The following RAP1GAP variants were observed in gnomAD, a reference collection of about 807,000 sequenced individuals.
RAP1GAP encodes rap1 GTPase-activating protein 1.
A neutral mutation model predicts 87.2 loss-of-function variants in RAP1GAP; 35 were observed. The observed-to-expected ratio is 0.40, with a 90% CI of 0.31 to 0.53. RAP1GAP has a LOEUF of 0.53. Ranked by LOEUF, RAP1GAP falls within the 20% of genes least tolerant of loss-of-function variation. The pLI is 0.48. For missense variants in RAP1GAP, 734 were observed against 898.9 expected (o/e 0.82, Z 2.35); for synonymous variants, 375 against 363.9 (o/e 1.03, Z -0.35).
At chr1:21,646,196 C>G (rs1018845215) in intron 2 of RAP1GAP, among the ~76,000 whole-genome samples, 1 of 152,228 alleles carries the variant, frequency 6.6e-6, no homozygotes, top group African/African-American at 2.4e-5. Context: ...ATGGGAGAGA[C>G]TGGTACCAAT....
chr1:21,602,978 C>T, intron 18 of RAP1GAP, 65 bp from the exon 19 acceptor site: 1 of 1,226,704 alleles, frequency 8.2e-7, no homozygotes. Context: ...CCCCACATCC[C>T]CTCTGGGGAT....
At chr1:21,626,261 AG>A (rs2091991555) in intron 3 of RAP1GAP, 42 bp downstream of exon 3, 3 of 1,488,768 alleles carry the variant, frequency 2.0e-6, no homozygotes, top group Non-Finnish European at 2.8e-6. Flanking sequence ...TGTCGGAGGT[AG>A]GGGGCAGACC....
chr1:21,617,340 GT>G lies in RAP1GAP; in HGVS notation c.256del (p.Thr86GlnfsTer160). ...TTKVKLECNP[T>X]ARIYRKHFLG... ...AAAGTGCTTCCGGTAGATGCGGGCT[GT>G]GGGGTTGCACTCGAGCTTCACCTTG... On this transcript the variant is annotated frameshift_variant, in exon 7 of 25. Coordinates refer to ENST00000374765, the MANE Select transcript of RAP1GAP (RefSeq NM_002885.4). LOFTEE classifies it high-confidence loss of function. 6.3e-7 allele frequency: 1 copy of G among 1,593,958 alleles called. No homozygotes were observed. Among genetic ancestry groups the G allele is most frequent in the Non-Finnish European group, 8.5e-7 (1 of 1,170,062 alleles).
intron 5 of RAP1GAP, 24 bp from the exon 6 acceptor site, chr1:21,617,996 G>T (rs2083433328): frequency 1.9e-6 from 3 of 1,613,876 alleles, no homozygotes; most frequent in South Asian, 2.2e-5. Flanking sequence ...ACAGGGCAAG[G>T]GTCTCTCCAT....
rs1479218853 is a variant in RAP1GAP at position 21,612,120 on chromosome 1, G to A, written c.529-11C>T. 1.9e-6 allele frequency: 3 copies of A among 1,542,710 alleles called. No individual in the cohort carries two copies. The highest frequency in any genetic ancestry group is 2.6e-6 in the Non-Finnish European group (3 of 1,138,776). On this transcript the variant is annotated splice_polypyrimidine_tract_variant and intron_variant, in intron 10 of 24. Transcript: ENST00000374765. ...GATGAGCCGGGAAGCCTGCAGGAGA[G>A]GACGCCGGGTGAAGAGGCTGCGTGT... is the stretch of plus-strand genomic sequence containing the variant.
At chr1:21,648,675 G>A (rs555396531) in intron 2 of RAP1GAP, among the ~76,000 whole-genome samples, 47 of 152,284 alleles carry the variant, frequency 3.1e-4, no homozygotes, top group African/African-American at 1.1e-3. Flanking sequence ...CCTCACCTCT[G>A]CTTTTATCCC....
intron 2 of RAP1GAP, among the ~76,000 whole-genome samples, chr1:21,637,001 T>A (rs2094841707): frequency 6.7e-6 from 1 of 149,832 alleles, no homozygotes; most frequent in South Asian, 2.1e-4. Flanking sequence ...CCATGTAAGG[T>A]ACCGAGCTCT....
chr1:21,621,310 G>C (rs561513453), intron 3 of RAP1GAP, among the ~76,000 whole-genome samples: 74 of 152,252 alleles, frequency 4.9e-4, no homozygotes, highest in African/African-American at 1.8e-3. Flanking sequence ...GCCCCGGCAG[G>C]GTCACATAAC....
chr1:21,626,906 G>T (rs998012100), intron 2 of RAP1GAP: 44 of 456,666 alleles, frequency 9.6e-5, no homozygotes, highest in Middle Eastern at 6.5e-4. Context: ...AGGCCCGAGG[G>T]CATGGCCTCC....
At chr1:21,664,714 T>C (rs889356115) in intron 1 of RAP1GAP, among the ~76,000 whole-genome samples, 1 of 151,692 alleles carries the variant, frequency 6.6e-6, no homozygotes, top group African/African-American at 2.4e-5. Flanking sequence ...GAAAAAATTC[T>C]CACTACTCTC....
At position 21,629,556 on chromosome 1, in the gene RAP1GAP, C is replaced by G. The variant is rs1026234921; in HGVS notation, c.-112-3159G>C. ...GTCCTGTCCCCCGAAGGCAACTCCA[C>G]CTAAAAAGCCACTGCTGAGGCCGTA... On this transcript the variant is annotated intron_variant, in intron 2 of 24. Coordinates refer to ENST00000374765, the MANE Select transcript of RAP1GAP (RefSeq NM_002885.4). Among the ~76,000 whole-genome samples the G allele has an allele frequency of 2.6e-5, 4 of 152,274 alleles. No individual in the cohort carries two copies. In the East Asian group the frequency reaches 7.7e-4, roughly 29 times the overall value.
In RAP1GAP at chr1:21,603,159, G is replaced by T. The variant is rs2070497315; in HGVS notation, c.1429-246C>A. ...GCACGTCAATACTGGCCCAGGATTA[G>T]GACAGCATCCTGAGGGGGCTAGGGT... On this transcript the variant is annotated intron_variant, in intron 18 of 24. Coordinates refer to ENST00000374765, the MANE Select transcript of RAP1GAP (RefSeq NM_002885.4). The surrounding 1 kb of genome is among the most constrained non-coding windows in gnomAD (Gnocchi z 6.0). 2.0e-6 allele frequency: 1 copy of T among 509,106 alleles called. No individual in the cohort carries two copies. The highest frequency in any genetic ancestry group is 3.4e-5 in the Admixed American group (1 of 29,094). 31.5% of individuals were successfully genotyped at this position (509,106 alleles called of 1,614,324 possible).
At chr1:21,614,986 A>G (rs781454340) in intron 7 of RAP1GAP, among the ~76,000 whole-genome samples, 2 of 152,176 alleles carry the variant, frequency 1.3e-5, no homozygotes, top group Non-Finnish European at 2.9e-5. Flanking sequence ...TGCCCCACGA[A>G]TCCGCAGCTC....
Position 21,609,971 on chromosome 1 carries a change from G to A in RAP1GAP, c.999+149C>T. On this transcript the variant is annotated intron_variant, in intron 14 of 24. Coordinates refer to ENST00000374765, the MANE Select transcript of RAP1GAP (RefSeq NM_002885.4). The surrounding 1 kb of genome is among the most constrained non-coding windows in gnomAD (Gnocchi z 4.4). ...GGGGGTGAGCTTTGGGGACGACAGG[G>A]GGCGTGGTGTGAACAGTGCACCATT... 3 of 1,003,440 alleles carry A rather than the reference G, an allele frequency of 3.0e-6. No homozygotes were observed. The highest frequency in any genetic ancestry group is 1.8e-5 in the South Asian group (1 of 56,910). The allele number at this position is 1,003,440 out of a possible 1,614,324, so 62.2% of individuals were successfully genotyped here. A position where few individuals can be genotyped will look rare whatever the true frequency, so the allele number is the denominator to read the frequency against.
chr1:21,663,192 G>A lies in RAP1GAP; in HGVS notation c.-149+6062C>T, dbSNP rs2097212678. On this transcript the variant is annotated intron_variant, in intron 1 of 24. Coordinates refer to ENST00000374765, the MANE Select transcript of RAP1GAP (RefSeq NM_002885.4). ...TGTCCCAGCGGCTCTGCCCAGTCCT[G>A]TTTCTAGAGGCAGGGAGCCCTGGGA... 2.6e-5 allele frequency among the ~76,000 whole-genome samples: 4 copies of A among 152,298 alleles called. No homozygotes were observed. In the South Asian group the frequency reaches 8.3e-4, roughly 32 times the overall value.
rs368191045 is a variant in RAP1GAP, at chr1:21,597,717, C to A, written c.*3G>T. ...AGTTTCACCTTCAGAGGGGGTGGCC[C>A]GGCTAACAGCCCTGCAGACAGACAG... On this transcript the variant is annotated 3_prime_UTR_variant, in exon 24 of 25. Transcript: ENST00000374765. The A allele has an allele frequency of 2.3e-5, 37 of 1,613,344 alleles. No homozygotes were observed. Among genetic ancestry groups the A allele is most frequent in the Middle Eastern group, 1.6e-4 (1 of 6,080 alleles).
At position 21,613,593 on chromosome 1, in the gene RAP1GAP, C is replaced by A. The variant is rs1201963760; in HGVS notation, c.474+35G>T. On this transcript the variant is annotated intron_variant, in intron 9 of 24. Coordinates refer to ENST00000374765, the MANE Select transcript of RAP1GAP (RefSeq NM_002885.4). This position sits in a 1 kb window ranked among gnomAD's most constrained non-coding sequence, Gnocchi z 4.7. ...GCCCCACAGGTGCCCATCTGCGGAG[C>A]CAGCCCGGGAAGCTCAGCGGAGCGG... 1.3e-6 allele frequency: 2 copies of A among 1,575,300 alleles called. No homozygotes were observed. The highest frequency in any genetic ancestry group is 1.7e-6 in the Non-Finnish European group (2 of 1,145,072).
At position 21,601,670 on chromosome 1, in the gene RAP1GAP, C is replaced by G; in HGVS notation, c.1652+14G>C. ...CTCCCAAGCCCCCAAGCCCCACGTGCCCTGAGCCCCAACCTGTTCTTGGTC... is the reference window on the plus strand; with the variant it reads ...CTCCCAAGCCCCCAAGCCCCACGTGGCCTGAGCCCCAACCTGTTCTTGGTC... On this transcript the variant is annotated intron_variant, in intron 20 of 24. Transcript: ENST00000374765. 1.3e-6 allele frequency: 2 copies of G among 1,582,168 alleles called. No individual in the cohort carries two copies. The highest frequency in any genetic ancestry group is 1.7e-6 in the Non-Finnish European group (2 of 1,158,646).
intron 2 of RAP1GAP, among the ~76,000 whole-genome samples, chr1:21,645,642 C>T (rs2095980561): frequency 6.6e-6 from 1 of 152,222 alleles, no homozygotes. Flanking sequence ...TGGCATTTGC[C>T]TTGGGAGATC....
Sources: gnomAD v4.1 joint callset for allele counts (sites outside exome capture counted in the v4.1 genomes callset) on GRCh38, gnomAD v4.1.1 for gene constraint, Gnocchi (gnomAD v3.1) non-coding constraint, MANE v1.5 for transcripts, NCBI Gene and HGNC (gene_info 2026-07-23, HGNC 2026-07-21) for gene names.